DCAF6: variants seen among roughly 807,000 people sequenced by gnomAD.
The protein encoded by DCAF6 is DDB1 and CUL4 associated factor 6.
A neutral mutation model predicts 125.1 loss-of-function variants in DCAF6; 54 were observed. That is an observed-to-expected ratio of 0.43 (90% confidence interval 0.35 to 0.54). The LOEUF (loss-of-function observed/expected upper bound fraction) is 0.54. Ranked by LOEUF, DCAF6 falls within the 20% of genes least tolerant of loss-of-function variation. DCAF6 has a pLI of 0.01. For missense variants in DCAF6, 934 were observed against 1,161.7 expected (o/e 0.80, Z 2.85); for synonymous variants, 371 against 390.4 (o/e 0.95, Z 0.58).
At chr1:168,074,615 G>A (rs965181046) in intron 21 of DCAF6, among the ~76,000 whole-genome samples, 5 of 152,124 alleles carry the variant, frequency 3.3e-5, no homozygotes, top group Non-Finnish European at 7.4e-5. Context: ...CTGTAATTAG[G>A]ATCATCATTA....
chr1:167,941,304 A>G (rs577884531), intron 1 of DCAF6, among the ~76,000 whole-genome samples: 23 of 152,336 alleles, frequency 1.5e-4, no homozygotes, highest in Middle Eastern at 3.4e-3. Flanking sequence ...AGTAATCATA[A>G]CAACCATAGA....
chr1:167,929,113 G>A, the DCAF6 span, among the ~76,000 whole-genome samples: 1 of 151,022 alleles, frequency 6.6e-6, no homozygotes, highest in African/African-American at 2.4e-5. Flanking sequence ...AATCCCAGCC[G>A]TTTGGGAGGC....
At chr1:167,871,934 G>T in the DCAF6 span, among the ~76,000 whole-genome samples, 1 of 152,212 alleles carries the variant, frequency 6.6e-6, no homozygotes, top group African/African-American at 2.4e-5. Flanking sequence ...TTCAAAGGCT[G>T]CATAGCTGCA....
chr1:167,941,866 C>T (rs775524899), intron 1 of DCAF6, among the ~76,000 whole-genome samples: 5 of 152,144 alleles, frequency 3.3e-5, no homozygotes, highest in Non-Finnish European at 7.4e-5. Flanking sequence ...GGATTGCTGA[C>T]TTGTATGGTA....
At chr1:167,951,910 T>TTC (rs1265150477) in intron 2 of DCAF6, 49 bp downstream of exon 2, 1 of 1,281,444 alleles carries the variant, frequency 7.8e-7, no homozygotes, top group Non-Finnish European at 1.1e-6. Context: ...TACTAAGTGT[T>TTC]TAAGTGTTTG....
chr1:167,988,785 T>C (rs988700485), intron 5 of DCAF6, among the ~76,000 whole-genome samples: 3 of 151,984 alleles, frequency 2.0e-5, no homozygotes, highest in Admixed American at 1.3e-4. Context: ...AAAGTAGAAA[T>C]TGAAAAACCT....
At chr1:168,055,223 A>G (rs1431458545) in intron 17 of DCAF6, among the ~76,000 whole-genome samples, 1 of 152,036 alleles carries the variant, frequency 6.6e-6, no homozygotes, top group African/African-American at 2.4e-5. Context: ...GAAATGTAAT[A>G]ATTGTTGCAG....
the DCAF6 span, chr1:167,917,168 AATAG>A: frequency 5.9e-5 from 9 of 152,174 alleles, no homozygotes; most frequent in Admixed American, 3.9e-4. Context: ...AGTCAAATCA[AATAG>A]ATAGTTAATT....
rs756258272 is a variant in DCAF6, at chr1:167,991,154, C to T, written c.553-50C>T. On this transcript the variant is annotated intron_variant, in intron 5 of 21. Coordinates refer to ENST00000367840, the MANE Select transcript of DCAF6 (RefSeq NM_001198956.2). ...TGAGAAAATATTTTAAATATAATTTCACCTCTGCTGTATAACTATATGTAA... is the reference window on the plus strand; with the variant it reads ...TGAGAAAATATTTTAAATATAATTTTACCTCTGCTGTATAACTATATGTAA... The T allele has an allele frequency of 2.8e-6, 4 of 1,424,012 alleles. No homozygotes were observed. In the East Asian group the frequency reaches 1.0e-4, roughly 36 times the overall value. 88.2% of individuals were successfully genotyped at this position (1,424,012 alleles called of 1,614,324 possible).
rs544678669 is a variant in DCAF6, at chr1:168,017,264, G to A, written c.1549+1313G>A. On this transcript the variant is annotated intron_variant, in intron 11 of 21. Coordinates refer to ENST00000367840, the MANE Select transcript of DCAF6 (RefSeq NM_001198956.2). Reference sequence around the variant, plus strand: ...CTGTATATAAACGTCTAGCAAACATGTTTTGAAGGTTAAAAAATCATGAAA... The same window carrying A: ...CTGTATATAAACGTCTAGCAAACATATTTTGAAGGTTAAAAAATCATGAAA... Among the ~76,000 whole-genome samples, 3 of 150,502 alleles carry A rather than the reference G, an allele frequency of 2.0e-5. No individual in the cohort carries two copies. In the East Asian group the frequency reaches 5.8e-4, roughly 29 times the overall value.
chr1:167,927,396 C>A, the DCAF6 span, among the ~76,000 whole-genome samples: 1 of 152,184 alleles, frequency 6.6e-6, no homozygotes, highest in Admixed American at 6.5e-5. Flanking sequence ...GTTCATTTTT[C>A]TTTGTCATAC....
At chr1:167,901,772 C>A in the DCAF6 span, 1 of 1,614,186 alleles carries the variant, frequency 6.2e-7, no homozygotes, top group South Asian at 1.1e-5. Context: ...CAGCTGCTTT[C>A]GCTCCACCCT....
At chr1:168,060,708 A>G (rs1691483915) in intron 17 of DCAF6, among the ~76,000 whole-genome samples, 1 of 152,082 alleles carries the variant, frequency 6.6e-6, no homozygotes. Flanking sequence ...CCTGGTCAAT[A>G]TGGTGAAACC....
At chr1:167,945,961 T>G (rs1158599731) in intron 1 of DCAF6, among the ~76,000 whole-genome samples, 1 of 150,654 alleles carries the variant, frequency 6.6e-6, no homozygotes, top group East Asian at 1.9e-4. Flanking sequence ...AAGGGTTTTT[T>G]TTTTTTTTTT....
At chr1:167,934,475 TAAAC>T (rs780472835), upstream of DCAF6, among the ~76,000 whole-genome samples, 122 of 152,200 alleles carry the variant, frequency 8.0e-4, no homozygotes, top group Admixed American at 2.0e-3. Flanking sequence ...AAAAGGCAAA[TAAAC>T]AAAAACTTTT....
chr1:167,938,605 C>T (rs1284740483), intron 1 of DCAF6, among the ~76,000 whole-genome samples: 3 of 152,084 alleles, frequency 2.0e-5, no homozygotes, highest in Admixed American at 6.6e-5. Context: ...AAAAAGTGTG[C>T]AGTATTTCTT....
intron 7 of DCAF6, 120 bp from the exon 8 acceptor site, chr1:168,002,362 A>G (rs1682767314): frequency 1.3e-6 from 1 of 778,138 alleles, no homozygotes. Flanking sequence ...TTTCATGTAG[A>G]TCTAATTTGC....
intron 13 of DCAF6, among the ~76,000 whole-genome samples, chr1:168,039,662 TAATTAATA>T (rs1688253152): frequency 1.4e-5 from 2 of 147,630 alleles, no homozygotes; most frequent in South Asian, 4.2e-4. Context: ...TAATTATTCA[TAATTAATA>T]TATTAATATA....
the DCAF6 span, among the ~76,000 whole-genome samples, chr1:167,892,144 T>C: frequency 2.0e-5 from 3 of 152,082 alleles, no homozygotes; most frequent in African/African-American, 7.2e-5. Flanking sequence ...AACTAATTTT[T>C]GTATTTTTGT....
Sources: gnomAD v4.1 joint callset for allele counts (sites outside exome capture counted in the v4.1 genomes callset) on GRCh38, gnomAD v4.1.1 for gene constraint, MANE v1.5 for transcripts, NCBI Gene and HGNC (gene_info 2026-07-23, HGNC 2026-07-21) for gene names.